CIB1: variants seen among roughly 807,000 people sequenced by gnomAD.
CIB1 encodes the protein calcium and integrin-binding protein 1.
In CIB1, 19 loss-of-function variants were observed where a neutral mutation model predicts 25.0. The ratio of observed to expected loss-of-function variants is 0.76; its 90% CI spans 0.53 to 1.12. The LOEUF (loss-of-function observed/expected upper bound fraction) is 1.12. Among genes scored for constraint, CIB1 ranks in the 50% most tolerant of loss-of-function variants. CIB1 has a pLI of 0.00. For missense variants in CIB1, 236 were observed against 242.6 expected, an observed-to-expected ratio of 0.97 and a Z score of 0.18; for synonymous variants, 104 against 98.5, an observed-to-expected ratio of 1.06 and a Z score of -0.33.
the CIB1 span, among the ~76,000 whole-genome samples, chr15:90,260,787 G>A: frequency 6.7e-6 from 1 of 149,946 alleles, no homozygotes; most frequent in Non-Finnish European, 1.5e-5. Context: ...GGAGGCGGAG[G>A]TTGCAGTGAG....
the CIB1 span, chr15:90,265,648 C>T: frequency 1.3e-6 from 2 of 1,589,946 alleles, no homozygotes; most frequent in Non-Finnish European, 1.7e-6. Flanking sequence ...CTTCCACTTC[C>T]GGTCTTACCC....
the CIB1 span, chr15:90,250,789 C>T: frequency 1.2e-6 from 2 of 1,614,170 alleles, no homozygotes; most frequent in South Asian, 2.2e-5. Flanking sequence ...ATGGGGTTCC[C>T]TCACCCATTA....
chr15:90,257,324 T>C, the CIB1 span: 1 of 1,581,582 alleles, frequency 6.3e-7, no homozygotes, highest in Non-Finnish European at 8.6e-7. Context: ...CTGCCAAAAG[T>C]GCTGAGGTTC....
At chr15:90,257,741 T>C in the CIB1 span, 3 of 1,610,830 alleles carry the variant, frequency 1.9e-6, no homozygotes, top group Non-Finnish European at 2.5e-6. Flanking sequence ...TACTCTGTTT[T>C]CTCCTGCTTC....
the CIB1 span, chr15:90,243,785 G>C: frequency 6.7e-6 from 1 of 149,826 alleles, no homozygotes; most frequent in East Asian, 2.0e-4. Flanking sequence ...TAGTAGCTGG[G>C]ACCACAGGCA....
chr15:90,257,481 C>T, the CIB1 span, among the ~76,000 whole-genome samples: 2 of 152,140 alleles, frequency 1.3e-5, no homozygotes, highest in East Asian at 1.9e-4. Flanking sequence ...CCAGCACACA[C>T]TCTTCCCCAG....
the CIB1 span, among the ~76,000 whole-genome samples, chr15:90,252,180 C>CA: frequency 4.6e-5 from 7 of 152,038 alleles, no homozygotes; most frequent in Admixed American, 4.6e-4. Flanking sequence ...GCTGGGATTA[C>CA]AGGCATGTGC....
Position 90,231,089 on chromosome 15 carries a change from G to A in CIB1, c.465+6C>T, listed in dbSNP as rs745462077. 1.9e-6 allele frequency: 3 copies of A among 1,613,726 alleles called. No individual in the cohort carries two copies. Among genetic ancestry groups the A allele is most frequent in the South Asian group, 2.2e-5 (2 of 91,084 alleles). On this transcript the variant is annotated splice_donor_region_variant and intron_variant, in intron 5 of 6. Coordinates refer to ENST00000328649, the MANE Select transcript of CIB1 (RefSeq NM_006384.4). ...CTCCCGCTCCCAGGCCTGCTCAGCT[G>A]CTCACGTTGTCGATGAGCTGCTTCA... is the stretch of plus-strand genomic sequence containing the variant.
upstream of CIB1, chr15:90,234,074 C>G: frequency 1.6e-6 from 1 of 640,962 alleles, no homozygotes; most frequent in Non-Finnish European, 2.5e-6. Flanking sequence ...CTGCCGGCTC[C>G]AAGCGGTCCT....
the CIB1 span, chr15:90,241,948 T>A: frequency 6.2e-7 from 1 of 1,614,136 alleles, no homozygotes; most frequent in Middle Eastern, 1.6e-4. Flanking sequence ...TCCCAGGACT[T>A]CAGCAGCCTG....
the CIB1 span, chr15:90,264,157 C>G: frequency 1.4e-6 from 1 of 728,546 alleles, no homozygotes; most frequent in Non-Finnish European, 2.2e-6. Flanking sequence ...GGCACTTCCA[C>G]CAGTGTAAGA....
the CIB1 span, among the ~76,000 whole-genome samples, chr15:90,251,114 C>CTTTTTTTTTTTTTT: frequency 8.6e-4 from 90 of 104,646 alleles, 7 homozygotes; most frequent in African/African-American, 1.8e-3. Flanking sequence ...CCTGGTCTGT[C>CTTTTTTTTTTTTTT]TTTTTTTTTT....
At chr15:90,254,653 C>T in the CIB1 span, among the ~76,000 whole-genome samples, 1 of 151,714 alleles carries the variant, frequency 6.6e-6, no homozygotes, top group African/African-American at 2.4e-5. Flanking sequence ...GCCTGGGCAA[C>T]AGGCAAAACC....
the CIB1 span, chr15:90,265,629 G>C: frequency 3.2e-6 from 5 of 1,548,514 alleles, no homozygotes; most frequent in Non-Finnish European, 4.4e-6. Context: ...CCCAGCCTCC[G>C]GCCCGCCCCT....
At chr15:90,230,538 G>A in intron 6 of CIB1, 33 bp from the exon 7 acceptor site, 2 of 1,551,294 alleles carry the variant, frequency 1.3e-6, no homozygotes, top group Non-Finnish European at 1.7e-6. Context: ...GTTTTCTGCT[G>A]GAAGAGGAGG....
the CIB1 span, chr15:90,251,598 A>C: frequency 1.9e-6 from 3 of 1,613,864 alleles, no homozygotes; most frequent in South Asian, 1.1e-5. Flanking sequence ...GAGAGTGGTA[A>C]GCACCCAGCC....
rs1962507623 is a variant in CIB1 at position 90,232,166 on chromosome 15, T to A, written c.195+53A>T. On this transcript the variant is annotated intron_variant, in intron 3 of 6. Coordinates refer to ENST00000328649, the MANE Select transcript of CIB1 (RefSeq NM_006384.4). The stretch of plus-strand genomic sequence containing the variant: ...GCTAGTGGCAGATGGAGTTAGGGGG[T>A]CTAGCAGGGAGGGAGTGGTGGGAGA... The A allele has an allele frequency of 3.5e-6, 5 of 1,410,908 alleles. No individual in the cohort carries two copies. In the South Asian group the frequency reaches 4.9e-5, roughly 14 times the overall value. 87.4% of individuals were successfully genotyped at this position (1,410,908 alleles called of 1,614,324 possible).
At chr15:90,262,427 T>G in the CIB1 span, 1 of 1,418,296 alleles carries the variant, frequency 7.1e-7, no homozygotes, top group African/African-American at 1.4e-5. Context: ...TCATCCCCAT[T>G]TTTCCTCACC....
chr15:90,264,014 C>G, the CIB1 span: 1 of 1,536,038 alleles, frequency 6.5e-7, no homozygotes, highest in African/African-American at 1.4e-5. Flanking sequence ...ATGAAGAAGG[C>G]TGGGAGGTGC....
Sources: allele counts gnomAD v4.1 joint callset (sites outside exome capture counted in the v4.1 genomes callset), GRCh38; gene constraint gnomAD v4.1.1; transcripts MANE v1.5; gene names NCBI Gene and HGNC (gene_info 2026-07-23, HGNC 2026-07-21).